The following ARHGAP10 variants were observed in gnomAD, a reference collection of about 807,000 sequenced individuals.
ARHGAP10 encodes Rho GTPase activating protein 10.
ARHGAP10 carries 87 observed loss-of-function variants against 108.6 expected under a neutral mutation model. That is an observed-to-expected ratio of 0.80 (90% CI 0.67 to 0.96). The LOEUF (loss-of-function observed/expected upper bound fraction) is 0.96, where lower values mean the gene tolerates loss of function less well. ARHGAP10 is among the 40% of genes least tolerant of loss of function. The pLI, the probability that ARHGAP10 is intolerant of heterozygous loss-of-function variation, is 0.00. For synonymous variants in ARHGAP10, 347 were observed against 341.1 expected, an observed-to-expected ratio of 1.02 and a Z score of -0.19; for missense variants, 939 against 954.5, an observed-to-expected ratio of 0.98 and a Z score of 0.21.
rs141727841 is a variant in ARHGAP10 at position 147,889,749 on chromosome 4, A to G, written c.1034+7817A>G. 7.2e-5 allele frequency among the ~76,000 whole-genome samples: 11 copies of G among 152,128 alleles called. No homozygotes were observed. The East Asian group carries it at 2.1e-3, about 29-fold the overall frequency. On this transcript the variant is annotated intron_variant, in intron 10 of 22. Transcript: ENST00000336498. ...GCAGCTGGGTAGCATTTTGAAGTAG[A>G]TGATATTTAATAAACTGCACAGTGG...
Position 147,859,671 on chromosome 4 carries a change from T to C in ARHGAP10, c.486+2017T>C, listed in dbSNP as rs1734237198. Among the ~76,000 whole-genome samples, 7 of 152,244 alleles carry C rather than the reference T, an allele frequency of 4.6e-5. No individual in the cohort carries two copies. In the South Asian group the frequency reaches 1.4e-3, roughly 31 times the overall value. On this transcript the variant is annotated intron_variant, in intron 5 of 22. Transcript: ENST00000336498. ...AAGCTTCTTGAAGGCAACAACATTG[T>C]CTTATTCAGTGTTCTATCTTCAGTT... is the stretch of plus-strand genomic sequence containing the variant.
Position 147,732,269 on chromosome 4 carries a change from G to A in ARHGAP10, c.-33G>A, listed in dbSNP as rs776396502. 11 of 1,540,436 alleles carry A rather than the reference G, an allele frequency of 7.1e-6. No individual in the cohort carries two copies. The highest frequency in any genetic ancestry group is 8.7e-6 in the Non-Finnish European group (10 of 1,151,862). Reference sequence around the variant, plus strand: ...GAGCTCGGCTCGGGCAGGAGCGCGCGGCCGTGCGCACCGCGCAGCGACCGC... The same window carrying A: ...GAGCTCGGCTCGGGCAGGAGCGCGCAGCCGTGCGCACCGCGCAGCGACCGC... On this transcript the variant is annotated 5_prime_UTR_variant, in exon 1 of 23. Transcript: ENST00000336498.
intron 1 of ARHGAP10, among the ~76,000 whole-genome samples, chr4:147,759,044 A>G (rs897993023): frequency 1.3e-5 from 2 of 151,808 alleles, no homozygotes; most frequent in African/African-American, 4.8e-5. Context: ...TATTTTCTTC[A>G]ATGCAAGGTT....
At chr4:147,895,658 C>T (rs1273172290) in intron 10 of ARHGAP10, among the ~76,000 whole-genome samples, 1 of 151,512 alleles carries the variant, frequency 6.6e-6, no homozygotes. Flanking sequence ...TGTACTACAG[C>T]CTGGGCAACA....
At chr4:148,048,679 A>G (rs1395548566) in intron 20 of ARHGAP10, among the ~76,000 whole-genome samples, 2 of 152,200 alleles carry the variant, frequency 1.3e-5, no homozygotes, top group African/African-American at 2.4e-5. Context: ...CAGTAAGTGA[A>G]TATCACAGGC....
intron 16 of ARHGAP10, among the ~76,000 whole-genome samples, chr4:147,959,336 A>G (rs1738904964): frequency 6.6e-6 from 1 of 152,078 alleles, no homozygotes; most frequent in Admixed American, 6.6e-5. Flanking sequence ...GACTGAAGAT[A>G]GTGAAAGGTT....
intron 18 of ARHGAP10, among the ~76,000 whole-genome samples, chr4:148,013,712 C>G (rs191596808): frequency 7.4e-4 from 112 of 152,152 alleles, no homozygotes; most frequent in Non-Finnish European, 1.5e-3. Flanking sequence ...GTTACTCTAG[C>G]CTACCCAAAT....
chr4:147,917,786 T>G (rs1227039418), intron 13 of ARHGAP10, among the ~76,000 whole-genome samples: 1 of 152,248 alleles, frequency 6.6e-6, no homozygotes, highest in Admixed American at 6.5e-5. Context: ...CATGTAGTTT[T>G]TGATCATGAA....
At position 147,889,902 on chromosome 4, in the gene ARHGAP10, A is replaced by T. The variant is rs960552283; in HGVS notation, c.1034+7970A>T. On this transcript the variant is annotated intron_variant, in intron 10 of 22. Coordinates refer to ENST00000336498, the MANE Select transcript of ARHGAP10 (RefSeq NM_024605.4). ...AAAACAAAATGGCTTAAACGGGGTT[A>T]AAGTTTATTTTTTTCTCTTGTTTGG... is the stretch of plus-strand genomic sequence containing the variant. Among the ~76,000 whole-genome samples, 11 of 152,316 alleles carry T rather than the reference A, an allele frequency of 7.2e-5. No individual in the cohort carries two copies. In the South Asian group the frequency reaches 8.3e-4, roughly 11 times the overall value.
intron 22 of ARHGAP10, among the ~76,000 whole-genome samples, chr4:148,071,468 TA>T (rs1219328028): frequency 6.6e-6 from 1 of 151,998 alleles, no homozygotes; most frequent in Non-Finnish European, 1.5e-5. Flanking sequence ...ATACAAAAAT[TA>T]GCCAGGCATG....
At chr4:147,835,523 G>A (rs1413816692) in intron 3 of ARHGAP10, among the ~76,000 whole-genome samples, 4 of 152,136 alleles carry the variant, frequency 2.6e-5, no homozygotes, top group Non-Finnish European at 5.9e-5. Context: ...ACAGGCATGT[G>A]CCACCATGCC....
At chr4:147,739,897 G>C (rs545318268) in intron 1 of ARHGAP10, among the ~76,000 whole-genome samples, 1 of 151,140 alleles carries the variant, frequency 6.6e-6, no homozygotes, top group African/African-American at 2.4e-5. Flanking sequence ...CACCACACCC[G>C]GCTAATTTTT....
At chr4:147,982,581 T>C (rs1739859548) in intron 18 of ARHGAP10, among the ~76,000 whole-genome samples, 2 of 146,292 alleles carry the variant, frequency 1.4e-5, no homozygotes, top group Non-Finnish European at 3.0e-5. Context: ...TGGTATTTTG[T>C]GTTGAGATGG....
At chr4:147,875,505 C>G (rs1164832897) in intron 8 of ARHGAP10, among the ~76,000 whole-genome samples, 4 of 152,020 alleles carry the variant, frequency 2.6e-5, no homozygotes, top group Non-Finnish European at 4.4e-5. Context: ...TTCTCCTTCC[C>G]CCTCACCTCT....
At chr4:147,824,095 G>A (rs1732610585) in intron 3 of ARHGAP10, among the ~76,000 whole-genome samples, 1 of 152,118 alleles carries the variant, frequency 6.6e-6, no homozygotes, top group African/African-American at 2.4e-5. Flanking sequence ...TGAGGCAGGC[G>A]AGTCACCTGA....
chr4:148,051,884 G>A (rs554657707), intron 20 of ARHGAP10, among the ~76,000 whole-genome samples: 17 of 152,124 alleles, frequency 1.1e-4, no homozygotes, highest in African/African-American at 4.1e-4. Context: ...TTTTATTCTC[G>A]TCAATGCAAT....
At chr4:148,000,161 T>C (rs1220076068) in intron 18 of ARHGAP10, among the ~76,000 whole-genome samples, 4 of 151,850 alleles carry the variant, frequency 2.6e-5, no homozygotes, top group African/African-American at 9.7e-5. Context: ...TGCCTATGAG[T>C]GAGAACATGT....
intron 4 of ARHGAP10, among the ~76,000 whole-genome samples, chr4:147,847,493 C>T (rs1016961227): frequency 3.9e-5 from 6 of 152,202 alleles, no homozygotes; most frequent in Non-Finnish European, 7.3e-5. Flanking sequence ...CACATTTGCT[C>T]TGAATAGAAG....
At chr4:147,839,142 A>ATCTATCTG (rs374128534) in intron 3 of ARHGAP10, among the ~76,000 whole-genome samples, 5,201 of 117,740 alleles carry the variant, frequency 0.044, 403 homozygotes, top group East Asian at 0.062. Flanking sequence ...CTATCTATCT[A>ATCTATCTG]TCTGTCTGTC....
Sources: allele counts gnomAD v4.1 joint callset (sites outside exome capture counted in the v4.1 genomes callset), GRCh38; gene constraint gnomAD v4.1.1; transcripts MANE v1.5; gene names NCBI Gene and HGNC (gene_info 2026-07-23, HGNC 2026-07-21).